The following TBC1D32 variants were observed in gnomAD, a reference collection of about 807,000 sequenced individuals.
The protein encoded by TBC1D32 is protein broad-minded.
TBC1D32 carries 151 observed loss-of-function variants against 170.3 expected under a neutral mutation model. The ratio of observed to expected loss-of-function variants is 0.89; its 90% CI spans 0.78 to 1.01. The LOEUF (loss-of-function observed/expected upper bound fraction) is 1.01. Among genes scored for constraint, TBC1D32 ranks in the 50% least tolerant of loss-of-function variants. TBC1D32 has a pLI of 0.00. For synonymous variants in TBC1D32, 498 were observed against 488.0 expected (o/e 1.02, Z -0.27); for missense variants, 1,464 against 1,457.1 (o/e 1.00, Z -0.08).
chr6:121,320,052 T>C (rs1000573007), intron 2 of TBC1D32, among the ~76,000 whole-genome samples: 30 of 152,144 alleles, frequency 2.0e-4, no homozygotes, highest in Admixed American at 2.6e-4. Flanking sequence ...GTATATTATA[T>C]AGATCCTACA....
chr6:121,148,568 T>C (rs114796725), intron 24 of TBC1D32, among the ~76,000 whole-genome samples: 1,884 of 152,198 alleles, frequency 0.012, 36 homozygotes, highest in African/African-American at 0.043. Flanking sequence ...CACACCATCT[T>C]CCACAACGGT....
rs1002119764 is a variant in TBC1D32, at chr6:121,140,766, C to T, written c.2774-9014G>A. Among the ~76,000 whole-genome samples the T allele has an allele frequency of 5.3e-5, 8 of 151,844 alleles. No individual in the cohort carries two copies. The South Asian group carries it at 1.5e-3, about 28-fold the overall frequency. ...TTATGTGCCATAAAAATGTAAAGTA[C>T]CACTTGCTAAATGATGAAATAACTA... On this transcript the variant is annotated intron_variant, in intron 24 of 31. Transcript: ENST00000398212.
intron 22 of TBC1D32, among the ~76,000 whole-genome samples, chr6:121,196,763 C>T (rs1790791716): frequency 6.6e-6 from 1 of 152,154 alleles, no homozygotes; most frequent in African/African-American, 2.4e-5. Flanking sequence ...GGTAACAATA[C>T]TTTGCAGGGC....
At chr6:121,133,720 G>A (rs1781703897) in intron 24 of TBC1D32, among the ~76,000 whole-genome samples, 1 of 151,950 alleles carries the variant, frequency 6.6e-6, no homozygotes, top group Non-Finnish European at 1.5e-5. Context: ...CCAAACACAT[G>A]TGGACTCACA....
chr6:121,203,913 C>CT (rs1791906031), intron 22 of TBC1D32, among the ~76,000 whole-genome samples: 2 of 150,826 alleles, frequency 1.3e-5, no homozygotes, highest in Admixed American at 1.3e-4. Context: ...TTTTATATAA[C>CT]TTAATAAAGT....
intron 22 of TBC1D32, among the ~76,000 whole-genome samples, chr6:121,185,545 T>A (rs893382659): frequency 9.2e-5 from 14 of 152,132 alleles, no homozygotes; most frequent in Non-Finnish European, 2.1e-4. Context: ...TGACTACAGC[T>A]ATTACTGAAC....
chr6:121,141,538 C>T (rs543803366), intron 24 of TBC1D32, among the ~76,000 whole-genome samples: 1 of 152,240 alleles, frequency 6.6e-6, no homozygotes, highest in Non-Finnish European at 1.5e-5. Flanking sequence ...GGCCAAAAAG[C>T]ACATGAAAAG....
At chr6:121,300,841 A>G (rs1028181472) in intron 9 of TBC1D32, among the ~76,000 whole-genome samples, 34 of 152,352 alleles carry the variant, frequency 2.2e-4, no homozygotes, top group African/African-American at 7.0e-4. Flanking sequence ...ACAGATTTAG[A>G]AGAAAAAAAC....
intron 21 of TBC1D32, among the ~76,000 whole-genome samples, chr6:121,209,226 T>C (rs750577828): frequency 1.1e-4 from 17 of 152,050 alleles, no homozygotes; most frequent in Admixed American, 5.2e-4. Flanking sequence ...AGTTTGGAGA[T>C]ATGTATACAC....
At chr6:121,235,872 T>C (rs1284911837) in intron 20 of TBC1D32, among the ~76,000 whole-genome samples, 3 of 152,238 alleles carry the variant, frequency 2.0e-5, no homozygotes, top group African/African-American at 7.2e-5. Flanking sequence ...TGCAAGCTAG[T>C]CCTACCTCCT....
At chr6:121,201,366 C>A (rs896863249) in intron 22 of TBC1D32, among the ~76,000 whole-genome samples, 6 of 151,384 alleles carry the variant, frequency 4.0e-5, no homozygotes, top group Non-Finnish European at 8.8e-5. Flanking sequence ...GTCTCTGACT[C>A]ATGACGGTGG....
chr6:121,107,332 TATC>T (rs1391590424), intron 29 of TBC1D32, among the ~76,000 whole-genome samples: 1 of 151,970 alleles, frequency 6.6e-6, no homozygotes, highest in Non-Finnish European at 1.5e-5. Context: ...TTTTCGGTTT[TATC>T]ATTCATCATA....
chr6:121,107,351 CTT>C (rs1159543263), intron 29 of TBC1D32, among the ~76,000 whole-genome samples: 1 of 151,782 alleles, frequency 6.6e-6, no homozygotes, highest in Non-Finnish European at 1.5e-5. Context: ...TCATAAATGA[CTT>C]ATTTCACATT....
chr6:121,313,758 G>A (rs1808566098), intron 3 of TBC1D32, among the ~76,000 whole-genome samples: 1 of 152,020 alleles, frequency 6.6e-6, no homozygotes. Flanking sequence ...GTACAGGCTG[G>A]GATGTAGCTA....
chr6:121,203,790 C>G (rs1791891829), intron 22 of TBC1D32, among the ~76,000 whole-genome samples: 1 of 151,148 alleles, frequency 6.6e-6, no homozygotes, highest in Non-Finnish European at 1.5e-5. Flanking sequence ...AACAATGGGA[C>G]AGTAAATTCT....
chr6:121,110,279 TA>T (rs1261865683), intron 29 of TBC1D32, among the ~76,000 whole-genome samples: 1 of 149,130 alleles, frequency 6.7e-6, no homozygotes, highest in African/African-American at 2.4e-5. Flanking sequence ...TATATATATA[TA>T]AAAATATATA....
intron 24 of TBC1D32, among the ~76,000 whole-genome samples, chr6:121,143,423 A>C (rs1464546254): frequency 6.6e-6 from 1 of 152,182 alleles, no homozygotes; most frequent in Non-Finnish European, 1.5e-5. Flanking sequence ...TCTAATGGTT[A>C]ACACTGATGC....
intron 30 of TBC1D32, among the ~76,000 whole-genome samples, chr6:121,102,539 T>G (rs1228610301): frequency 6.6e-6 from 1 of 152,104 alleles, no homozygotes; most frequent in Non-Finnish European, 1.5e-5. Context: ...TAGCCATATG[T>G]AGAAAGCTGA....
At chr6:121,261,249 C>T (rs1386071515) in intron 15 of TBC1D32, among the ~76,000 whole-genome samples, 1 of 152,306 alleles carries the variant, frequency 6.6e-6, no homozygotes, top group East Asian at 1.9e-4. Context: ...AGTTGGTTTC[C>T]CCCCAGTGCA....
Sources: allele counts gnomAD v4.1 joint callset (sites outside exome capture counted in the v4.1 genomes callset), GRCh38; gene constraint gnomAD v4.1.1; transcripts MANE v1.5; gene names NCBI Gene and HGNC (gene_info 2026-07-23, HGNC 2026-07-21).